Variants in CADPS observed in about 807,000 individuals in gnomAD.
The protein encoded by CADPS is calcium dependent secretion activator.
CADPS carries 57 observed loss-of-function variants against 167.3 expected under a neutral mutation model. That is an observed-to-expected ratio of 0.34 (90% CI 0.28 to 0.42). The LOEUF is 0.42. Ranked by LOEUF, CADPS falls within the 20% of genes least tolerant of loss-of-function variation. CADPS has a pLI of 1.00. For synonymous variants in CADPS, 676 were observed against 635.3 expected, an observed-to-expected ratio of 1.06 and a Z score of -0.96; for missense variants, 1,414 against 1,738.1, an observed-to-expected ratio of 0.81 and a Z score of 3.32.
At position 62,474,165 on chromosome 3, in the gene CADPS, T is replaced by TTTTTTTTTTTTTTTTTTTTC; in HGVS notation, c.3477+7_3477+8insGAAAAAAAAAAAAAAAAAAA. 6.9e-7 allele frequency: 1 copy of TTTTTTTTTTTTTTTTTTTTC among 1,446,118 alleles called. No homozygotes were observed. Among genetic ancestry groups the TTTTTTTTTTTTTTTTTTTTC allele is most frequent in the South Asian group, 1.5e-5 (1 of 67,256 alleles). 89.6% of individuals were successfully genotyped at this position (1,446,118 alleles called of 1,614,324 possible). On this transcript the variant is annotated splice_region_variant and intron_variant, in intron 24 of 29. Coordinates refer to ENST00000383710, the MANE Select transcript of CADPS (RefSeq NM_003716.4). ...AAAAAAAATCTGTATTTTTTTTTTTTTTTTTACCTCTTGGCCCATTTCCAT... is the reference window on the plus strand; with the variant it reads ...AAAAAAAATCTGTATTTTTTTTTTTTTTTTTTTTTTTTTTTTTTTCTTTTTACCTCTTGGCCCATTTCCAT...
intron 3 of CADPS, among the ~76,000 whole-genome samples, chr3:62,712,864 G>A (rs1422658786): frequency 6.6e-6 from 1 of 152,106 alleles, no homozygotes; most frequent in African/African-American, 2.4e-5. Flanking sequence ...ACTTAGCTTG[G>A]TATTATTACC....
intron 21 of CADPS, among the ~76,000 whole-genome samples, chr3:62,489,640 C>A (rs2063389165): frequency 3.3e-5 from 5 of 152,264 alleles, no homozygotes; most frequent in Non-Finnish European, 1.5e-5. Flanking sequence ...GGCACTAAAT[C>A]TAGGGCTCTT....
chr3:62,772,206 A>G (rs1036781289), intron 1 of CADPS, among the ~76,000 whole-genome samples: 1 of 152,046 alleles, frequency 6.6e-6, no homozygotes, highest in African/African-American at 2.4e-5. Context: ...ATCTTCTTTC[A>G]ATGCTTTTTT....
intron 1 of CADPS, among the ~76,000 whole-genome samples, chr3:62,844,882 A>G (rs1464512683): frequency 6.6e-6 from 1 of 152,230 alleles, no homozygotes; most frequent in African/African-American, 2.4e-5. Context: ...AATTCTGGTT[A>G]ATTAAACAGG....
chr3:62,565,974 C>A (rs1334684264), intron 9 of CADPS, among the ~76,000 whole-genome samples: 3 of 152,304 alleles, frequency 2.0e-5, no homozygotes, highest in East Asian at 1.9e-4. Flanking sequence ...GATGTCCTCT[C>A]TTCATCTTTG....
At chr3:62,576,088 C>T (rs1186999623) in intron 8 of CADPS, among the ~76,000 whole-genome samples, 2 of 152,176 alleles carry the variant, frequency 1.3e-5, no homozygotes, top group African/African-American at 4.8e-5. Context: ...ATACAGGTGG[C>T]TTCCCTCCTA....
At position 62,701,062 on chromosome 3, in the gene CADPS, T is replaced by C. The variant is rs571293356; in HGVS notation, c.889-38668A>G. Among the ~76,000 whole-genome samples the C allele has an allele frequency of 5.9e-5, 9 of 152,188 alleles. 1 individual carries two copies. The South Asian group carries it at 1.9e-3, about 32-fold the overall frequency. ...CTCAGAAGGGCACCAATCCCATTCATGAGGGCTCTATTCTTATGACCTAAT... is the reference window on the plus strand; with the variant it reads ...CTCAGAAGGGCACCAATCCCATTCACGAGGGCTCTATTCTTATGACCTAAT... On this transcript the variant is annotated intron_variant, in intron 3 of 29. Coordinates refer to ENST00000383710, the MANE Select transcript of CADPS (RefSeq NM_003716.4).
At chr3:62,848,797 T>C in intron 1 of CADPS, among the ~76,000 whole-genome samples, 2 of 111,986 alleles carry the variant, frequency 1.8e-5, no homozygotes, top group African/African-American at 6.9e-5. Flanking sequence ...TTTAAAGTAG[T>C]TTTTTCCAAT....
rs576478331 is a variant in CADPS at position 62,709,996 on chromosome 3, A to G, written c.888+43445T>C. Among the ~76,000 whole-genome samples the G allele has an allele frequency of 8.6e-4, 131 of 152,006 alleles. 1 individual carries two copies. The highest frequency in any genetic ancestry group is 2.8e-3 in the African/African-American group (115 of 41,456). ...CATGTTGGCCAGACTGGATCACTTG[A>G]ACTCAAGTGATCTGCCCACCTCGGC... On this transcript the variant is annotated intron_variant, in intron 3 of 29. Coordinates refer to ENST00000383710, the MANE Select transcript of CADPS (RefSeq NM_003716.4).
intron 28 of CADPS, among the ~76,000 whole-genome samples, chr3:62,431,777 G>C (rs531300424): frequency 9.0e-4 from 136 of 151,450 alleles, no homozygotes; most frequent in Non-Finnish European, 1.3e-3. Context: ...GTGTATGAGA[G>C]GAAAATTTAC....
chr3:62,803,179 G>A, intron 1 of CADPS, among the ~76,000 whole-genome samples: 1 of 152,102 alleles, frequency 6.6e-6, no homozygotes, highest in East Asian at 1.9e-4. Flanking sequence ...TACTGAGTGG[G>A]TAGATCCACA....
chr3:62,724,130 T>C (rs545048176), intron 3 of CADPS, among the ~76,000 whole-genome samples: 15 of 152,258 alleles, frequency 9.9e-5, no homozygotes, highest in South Asian at 6.2e-4. Flanking sequence ...AGGTGCAAAA[T>C]AGAAACAGGG....
chr3:62,725,992 C>T (rs1409963049), intron 3 of CADPS, among the ~76,000 whole-genome samples: 3 of 151,792 alleles, frequency 2.0e-5, no homozygotes, highest in East Asian at 1.9e-4. Flanking sequence ...AGGCTCATCA[C>T]ATGGTGGCAA....
intron 10 of CADPS, chr3:62,551,008 C>T: frequency 9.0e-6 from 4 of 444,200 alleles, no homozygotes; most frequent in South Asian, 3.2e-5. Context: ...GGCTTCTGTC[C>T]TTGCCCTTCT....
intron 3 of CADPS, among the ~76,000 whole-genome samples, chr3:62,745,741 C>T (rs1260757355): frequency 6.6e-6 from 1 of 152,164 alleles, no homozygotes; most frequent in Non-Finnish European, 1.5e-5. Context: ...GTAATGTGGG[C>T]ATTTAAGCTC....
At chr3:62,645,972 A>G in intron 5 of CADPS, 129 bp from the exon 6 acceptor site, 1 of 1,009,954 alleles carries the variant, frequency 9.9e-7, no homozygotes, top group East Asian at 2.5e-5. Context: ...TTAGGTTTGT[A>G]CCAGTCATGC....
In CADPS at chr3:62,421,746, G is replaced by T. The variant is rs1190749554; in HGVS notation, c.3777+16358C>A. On this transcript the variant is annotated intron_variant, in intron 28 of 29. Transcript: ENST00000383710. This position sits in a 1 kb window ranked among gnomAD's most constrained non-coding sequence, Gnocchi z 4.7. ...ATTTCATAATAATATTGTGTGTGAGGCTGGAGACGCATTTGGAGTTCTTTC... is the reference window on the plus strand; with the variant it reads ...ATTTCATAATAATATTGTGTGTGAGTCTGGAGACGCATTTGGAGTTCTTTC... Among the ~76,000 whole-genome samples, 4 of 152,178 alleles carry T rather than the reference G, an allele frequency of 2.6e-5. No homozygotes were observed. The highest frequency in any genetic ancestry group is 7.2e-5 in the African/African-American group (3 of 41,430).
intron 29 of CADPS, among the ~76,000 whole-genome samples, chr3:62,400,922 A>T (rs1418293068): frequency 1.3e-5 from 2 of 152,070 alleles, no homozygotes; most frequent in Non-Finnish European, 2.9e-5. Context: ...TTAATAGTCC[A>T]TCTAATGCGG....
intron 28 of CADPS, among the ~76,000 whole-genome samples, chr3:62,419,563 C>G (rs111261698): frequency 6.6e-6 from 1 of 152,144 alleles, no homozygotes; most frequent in South Asian, 2.1e-4. Flanking sequence ...GTGAGCAGTG[C>G]GAATAATTTA....
Sources: gnomAD v4.1 joint callset for allele counts (sites outside exome capture counted in the v4.1 genomes callset) on GRCh38, gnomAD v4.1.1 for gene constraint, Gnocchi (gnomAD v3.1) non-coding constraint, MANE v1.5 for transcripts, NCBI Gene and HGNC (gene_info 2026-07-23, HGNC 2026-07-21) for gene names.